The following GRM8 variants were observed in gnomAD, a reference collection of about 807,000 sequenced individuals.
GRM8 encodes glutamate metabotropic receptor 8.
In GRM8, 47 loss-of-function variants were observed where a neutral mutation model predicts 87.2. The ratio of observed to expected loss-of-function variants is 0.54; its 90% CI spans 0.43 to 0.69. The LOEUF is 0.69. Among genes scored for constraint, GRM8 ranks in the 30% least tolerant of loss-of-function variants. The pLI, the probability that GRM8 is intolerant of heterozygous loss-of-function variation, is 0.00. For synonymous variants in GRM8, 396 were observed against 404.5 expected (o/e 0.98, Z 0.25); for missense variants, 1,019 against 1,139.2 (o/e 0.89, Z 1.52).
chr7:126,933,221 GA>G (rs2131460551), intron 3 of GRM8, among the ~76,000 whole-genome samples: 1 of 152,294 alleles, frequency 6.6e-6, no homozygotes, highest in East Asian at 1.9e-4. Flanking sequence ...CTCTCCTCCA[GA>G]AAATATTTTT....
intron 2 of GRM8, among the ~76,000 whole-genome samples, 182 bp from the exon 3 acceptor site, chr7:127,106,894 T>C (rs1825860023): frequency 6.6e-6 from 1 of 152,260 alleles, no homozygotes; most frequent in Non-Finnish European, 1.5e-5. Flanking sequence ...TAGGCTTACT[T>C]TCTCTCAATG....
chr7:126,768,967 C>G (rs973160817), intron 7 of GRM8, among the ~76,000 whole-genome samples: 2 of 145,870 alleles, frequency 1.4e-5, no homozygotes, highest in Non-Finnish European at 3.0e-5. Flanking sequence ...CACTTGAATT[C>G]TAAATTGAAG....
At chr7:127,036,087 C>T (rs753343745) in intron 3 of GRM8, among the ~76,000 whole-genome samples, 15 of 152,176 alleles carry the variant, frequency 9.9e-5, no homozygotes, top group Non-Finnish European at 2.1e-4. Context: ...ATTTGTTAAG[C>T]TAATTCCAGT....
chr7:126,572,246 A>G (rs2150988255), intron 8 of GRM8, among the ~76,000 whole-genome samples: 1 of 152,354 alleles, frequency 6.6e-6, no homozygotes, highest in African/African-American at 2.4e-5. Flanking sequence ...GAATGCATAA[A>G]GCAAAAAGAT....
chr7:127,012,596 A>T (rs1815006292), intron 3 of GRM8, among the ~76,000 whole-genome samples: 1 of 152,074 alleles, frequency 6.6e-6, no homozygotes, highest in Non-Finnish European at 1.5e-5. Context: ...TTTTTCTTGC[A>T]ATGTTTTTCC....
intron 7 of GRM8, among the ~76,000 whole-genome samples, chr7:126,653,730 G>A (rs1804196021): frequency 6.6e-6 from 1 of 152,190 alleles, no homozygotes; most frequent in South Asian, 2.1e-4. Flanking sequence ...GAATACCCAT[G>A]AATACTCTGG....
intron 7 of GRM8, among the ~76,000 whole-genome samples, chr7:126,700,570 G>C (rs1356057284): frequency 2.0e-5 from 3 of 151,988 alleles, no homozygotes. Flanking sequence ...ATTATAATCT[G>C]TATTTTAAAG....
At chr7:126,911,165 T>C (rs189408898) in intron 3 of GRM8, among the ~76,000 whole-genome samples, 1 of 152,338 alleles carries the variant, frequency 6.6e-6, no homozygotes, top group East Asian at 1.9e-4. Flanking sequence ...TTCACCATTT[T>C]ATGTGTAATA....
chr7:126,967,081 C>A (rs1421942378), intron 3 of GRM8, among the ~76,000 whole-genome samples: 1 of 152,140 alleles, frequency 6.6e-6, no homozygotes, highest in Non-Finnish European at 1.5e-5. Context: ...AATGCCTAGG[C>A]CATAACATAA....
Position 126,958,149 on chromosome 7 carries a change from G to T in GRM8, c.728-53466C>A, listed in dbSNP as rs149300056. 5.9e-3 allele frequency among the ~76,000 whole-genome samples: 903 copies of T among 152,244 alleles called. 7 individuals are homozygous for T. Among genetic ancestry groups the T allele is most frequent in the Non-Finnish European group, 9.2e-3 (624 of 67,988 alleles). Reference sequence around the variant, plus strand: ...GAGAGCTGCTTTGTTGCTCAATGAAGCTCCTCTCTGCCTTGCTCATCCTCC... The same window carrying T: ...GAGAGCTGCTTTGTTGCTCAATGAATCTCCTCTCTGCCTTGCTCATCCTCC... On this transcript the variant is annotated intron_variant, in intron 3 of 10. Transcript: ENST00000339582.
At chr7:126,812,905 T>A (rs1350094589) in intron 6 of GRM8, among the ~76,000 whole-genome samples, 1 of 152,102 alleles carries the variant, frequency 6.6e-6, no homozygotes, top group East Asian at 1.9e-4. Context: ...GACAGGAAAC[T>A]TTTATGCAGT....
chr7:126,844,969 G>T (rs1488032240), intron 6 of GRM8, among the ~76,000 whole-genome samples: 1 of 152,106 alleles, frequency 6.6e-6, no homozygotes, highest in African/African-American at 2.4e-5. Context: ...CTTAGCCCTT[G>T]CCTATCACAA....
chr7:127,251,511 C>G (rs1172444213), intron 1 of GRM8, among the ~76,000 whole-genome samples: 2 of 152,120 alleles, frequency 1.3e-5, no homozygotes, highest in Middle Eastern at 3.2e-3. Flanking sequence ...CCGCCAGGAG[C>G]CCCTGTTTCC....
At chr7:126,499,475 A>G (rs919386036) in intron 9 of GRM8, among the ~76,000 whole-genome samples, 1 of 151,874 alleles carries the variant, frequency 6.6e-6, no homozygotes, top group African/African-American at 2.4e-5. Context: ...TATAGACCCA[A>G]AGAAAATGAC....
intron 9 of GRM8, among the ~76,000 whole-genome samples, chr7:126,468,876 A>G (rs1458618552): frequency 6.6e-6 from 1 of 152,092 alleles, no homozygotes; most frequent in Admixed American, 6.6e-5. Flanking sequence ...CAAGAACATG[A>G]CTAATTCATG....
chr7:126,635,570 A>T (rs1396460774), intron 7 of GRM8, among the ~76,000 whole-genome samples: 3 of 152,132 alleles, frequency 2.0e-5, no homozygotes, highest in African/African-American at 7.2e-5. Flanking sequence ...TCTTTCAGAA[A>T]TATAATTTTT....
intron 9 of GRM8, among the ~76,000 whole-genome samples, chr7:126,498,481 T>C (rs1809113927): frequency 6.6e-6 from 1 of 151,948 alleles, no homozygotes; most frequent in Non-Finnish European, 1.5e-5. Context: ...CAGGGTACCA[T>C]TTTAATAGAC....
At chr7:127,085,294 G>A (rs1360803451) in intron 3 of GRM8, among the ~76,000 whole-genome samples, 1 of 152,206 alleles carries the variant, frequency 6.6e-6, no homozygotes, top group African/African-American at 2.4e-5. Context: ...TGTCTTCATA[G>A]TAGCATGATT....
intron 3 of GRM8, among the ~76,000 whole-genome samples, chr7:127,043,906 G>C (rs1368800689): frequency 6.6e-6 from 1 of 151,722 alleles, no homozygotes; most frequent in Admixed American, 6.6e-5. Flanking sequence ...TAGAGATTAG[G>C]GGGACAGGAG....
Sources: allele counts gnomAD v4.1 joint callset (sites outside exome capture counted in the v4.1 genomes callset), GRCh38; gene constraint gnomAD v4.1.1; transcripts MANE v1.5; gene names NCBI Gene and HGNC (gene_info 2026-07-23, HGNC 2026-07-21).